ANKMY1: variants seen among roughly 807,000 people sequenced by gnomAD.
ANKMY1 encodes ankyrin repeat and MYND domain containing 1.
Under a neutral mutation model 102.0 loss-of-function variants are expected in ANKMY1, and 98 were observed. That is an observed-to-expected ratio of 0.96 (90% CI 0.82 to 1.14). ANKMY1 has a LOEUF of 1.14. Among genes scored for constraint, ANKMY1 ranks in the 50% most tolerant of loss-of-function variants. The pLI, the probability that ANKMY1 is intolerant of heterozygous loss-of-function variation, is 0.00. For synonymous variants in ANKMY1, 582 were observed against 559.9 expected (o/e 1.04, Z -0.56); for missense variants, 1,330 against 1,347.6 (o/e 0.99, Z 0.20).
intron 4 of ANKMY1, among the ~76,000 whole-genome samples, chr2:240,536,739 T>C (rs2086859456): frequency 6.6e-6 from 1 of 152,188 alleles, no homozygotes; most frequent in African/African-American, 2.4e-5. Context: ...ATACAAGAAG[T>C]CTTATAGAGG....
At chr2:240,555,478 C>G (rs373820600) in intron 2 of ANKMY1, 185 of 199,952 alleles carry the variant, frequency 9.3e-4, no homozygotes, top group Non-Finnish European at 1.6e-3. Context: ...ACTGCCCACA[C>G]ATGTGGACCC....
intron 4 of ANKMY1, among the ~76,000 whole-genome samples, chr2:240,540,438 G>C (rs1186155081): frequency 6.6e-6 from 1 of 152,098 alleles, no homozygotes; most frequent in Non-Finnish European, 1.5e-5. Flanking sequence ...TTTGTTTTAT[G>C]TGCTTCTTTC....
chr2:240,557,225 C>T lies in ANKMY1; in HGVS notation c.111G>A (p.Pro37=). 3 of 1,586,278 alleles carry T rather than the reference C, an allele frequency of 1.9e-6. No individual in the cohort carries two copies. The highest frequency in any genetic ancestry group is 1.7e-6 in the Non-Finnish European group (2 of 1,165,232). ...KGGETPAAEE[P]GSLKNYAVFA... ...AGACAGCGTAGTTCTTCAGGGACCC[C>T]GGCTCCTCGGCAGCAGGGGTCTCGC... The change falls in exon 2 of 18, where the codon CCG becomes CCA. Residue 37 remains proline, a synonymous_variant. Coordinates refer to ENST00000401804, the MANE Select transcript of ANKMY1 (RefSeq NM_001282771.3).
chr2:240,526,500 G>A, intron 5 of ANKMY1, 55 bp from the exon 6 acceptor site: 1 of 1,608,304 alleles, frequency 6.2e-7, no homozygotes, highest in Non-Finnish European at 8.5e-7. Context: ...CCTCCCACGA[G>A]AAAGGGTCCA....
Position 240,554,849 on chromosome 2 carries a change from A to T in ANKMY1, c.336+17T>A. Reference sequence around the variant, plus strand: ...AGGCCCTAGGGGAGGAGGCGGAGAAAGTGTGGAAGCAGTTACCTCGCCTGT... The same window carrying T: ...AGGCCCTAGGGGAGGAGGCGGAGAATGTGTGGAAGCAGTTACCTCGCCTGT... On this transcript the variant is annotated intron_variant, in intron 3 of 17. Coordinates refer to ENST00000401804, the MANE Select transcript of ANKMY1 (RefSeq NM_001282771.3). 6.2e-7 allele frequency: 1 copy of T among 1,613,682 alleles called. No individual in the cohort carries two copies. The highest frequency in any genetic ancestry group is 8.5e-7 in the Non-Finnish European group (1 of 1,179,644).
intron 15 of ANKMY1, among the ~76,000 whole-genome samples, chr2:240,497,452 A>G (rs1410055725): frequency 6.6e-6 from 1 of 152,202 alleles, no homozygotes; most frequent in Non-Finnish European, 1.5e-5. Context: ...GAGGGTGAAA[A>G]GGAAGGTAGA....
chr2:240,524,869 G>C (rs2083041500), intron 7 of ANKMY1, among the ~76,000 whole-genome samples: 2 of 152,126 alleles, frequency 1.3e-5, no homozygotes, highest in South Asian at 4.1e-4. Context: ...CACTGCCCTG[G>C]ATCTGTTTGT....
At chr2:240,510,760 T>G (rs1387929327) in intron 11 of ANKMY1, among the ~76,000 whole-genome samples, 1 of 149,668 alleles carries the variant, frequency 6.7e-6, no homozygotes, top group Non-Finnish European at 1.5e-5. Flanking sequence ...CCGTCACGCC[T>G]GCAGCACTGA....
At chr2:240,505,092 C>T (rs573608465) in intron 13 of ANKMY1, among the ~76,000 whole-genome samples, 65 of 152,256 alleles carry the variant, frequency 4.3e-4, no homozygotes, top group Non-Finnish European at 8.8e-4. Context: ...TCTGGAGTGA[C>T]TGGAACTCTG....
rs753687601 is a variant in ANKMY1, at chr2:240,552,901, G to C, written c.480+13C>G. On this transcript the variant is annotated intron_variant, in intron 4 of 17. Transcript: ENST00000401804. ...CACTTCGACCCCAGCTGAACACATG[G>C]CAGCCCCCTCACCTGGAAAAGCCGT... 6.2e-7 allele frequency: 1 copy of C among 1,613,212 alleles called. No homozygotes were observed. The highest frequency in any genetic ancestry group is 1.1e-5 in the South Asian group (1 of 91,062).
intron 5 of ANKMY1, chr2:240,527,091 G>A: frequency 1.2e-6 from 1 of 821,956 alleles, no homozygotes; most frequent in Non-Finnish European, 1.5e-6. Flanking sequence ...TGGATGGGTG[G>A]GTGGATGAAT....
intron 6 of ANKMY1, 25 bp downstream of exon 6, chr2:240,526,204 C>G: frequency 6.2e-7 from 1 of 1,613,592 alleles, no homozygotes; most frequent in Non-Finnish European, 8.5e-7. Context: ...CCTGCGGGCA[C>G]CAGCTGGGAG....
intron 1 of ANKMY1, 48 bp from the exon 2 acceptor site, chr2:240,557,400 C>G: frequency 4.2e-6 from 6 of 1,412,170 alleles, no homozygotes; most frequent in Non-Finnish European, 4.7e-6. Flanking sequence ...GCTCCCGCCG[C>G]GAACTCAGAG....
chr2:240,527,988 T>C (rs2084266324), intron 5 of ANKMY1: 2 of 152,188 alleles, frequency 1.3e-5, no homozygotes, highest in Admixed American at 1.3e-4. Flanking sequence ...TATTTTAACT[T>C]TTAAAAATTA....
At chr2:240,500,351 C>T (rs549290864) in intron 14 of ANKMY1, 101 bp downstream of exon 14, 3 of 1,338,502 alleles carry the variant, frequency 2.2e-6, no homozygotes, top group African/African-American at 1.5e-5. Context: ...GCGCTAGGAA[C>T]CTTGAGCCCA....
intron 15 of ANKMY1, among the ~76,000 whole-genome samples, chr2:240,483,555 T>C (rs1234285381): frequency 6.6e-6 from 1 of 152,248 alleles, no homozygotes; most frequent in Non-Finnish European, 1.5e-5. Flanking sequence ...TTTAATCTCT[T>C]CACATTTAAT....
At chr2:240,514,213 A>T (rs1361495223) in intron 9 of ANKMY1, among the ~76,000 whole-genome samples, 1 of 152,254 alleles carries the variant, frequency 6.6e-6, no homozygotes, top group East Asian at 1.9e-4. Context: ...GCACAAAGAC[A>T]TATAAAGCAC....
At chr2:240,532,045 G>A (rs776587199) in intron 4 of ANKMY1, 8 of 461,628 alleles carry the variant, frequency 1.7e-5, no homozygotes, top group Non-Finnish European at 3.6e-5. Flanking sequence ...GAGTACCAGA[G>A]AGAGAGGAGA....
chr2:240,483,558 C>T (rs2075694551), intron 15 of ANKMY1, among the ~76,000 whole-genome samples: 3 of 152,202 alleles, frequency 2.0e-5, no homozygotes, highest in South Asian at 4.1e-4. Flanking sequence ...AATCTCTTCA[C>T]ATTTAATGTT....
Sources: allele counts gnomAD v4.1 joint callset (sites outside exome capture counted in the v4.1 genomes callset), GRCh38; gene constraint gnomAD v4.1.1; transcripts MANE v1.5; gene names NCBI Gene and HGNC (gene_info 2026-07-23, HGNC 2026-07-21).